CD68: variants seen among roughly 807,000 people sequenced by gnomAD.
The protein encoded by CD68 is macrosialin.
Under a neutral mutation model 31.3 loss-of-function variants are expected in CD68, and 24 were observed. The ratio of observed to expected loss-of-function variants is 0.77; its 90% CI spans 0.55 to 1.08. The LOEUF is 1.08. CD68 is among the 50% of genes least tolerant of loss of function. CD68 has a pLI of 0.00. For synonymous variants in CD68, 190 were observed against 179.6 expected (o/e 1.06, Z -0.46); for missense variants, 461 against 442.5 (o/e 1.04, Z -0.38).
intron 5 of CD68, 36 bp downstream of exon 5, chr17:7,581,102 C>G: frequency 2.5e-6 from 4 of 1,572,562 alleles, no homozygotes; most frequent in Non-Finnish European, 3.5e-6. Context: ...CTAGAATCCT[C>G]CCACTGCACT....
Position 7,581,398 on chromosome 17 carries a change from C to G in CD68, c.952C>G (p.Arg318Gly). ...GCCAGGTTTCTCCTGCCCCAGTGAC[C>G]GGTCCATCTTGCTGCCTCTCATCAT... ...FGQSFSCPSD[R>G]SILLPLIIGL... Residue 318 changes from arginine (R) to glycine (G), a missense_variant, in exon 6 of 6, where the codon CGG becomes GGG. Transcript: ENST00000250092. The G allele has an allele frequency of 5.6e-6, 9 of 1,614,138 alleles. No individual in the cohort carries two copies. The highest frequency in any genetic ancestry group is 1.1e-5 in the South Asian group (1 of 91,076).
chr17:7,580,750 G>T lies in CD68; in HGVS notation c.727G>T (p.Val243Leu), dbSNP rs753269641. The change falls in exon 4 of 6, where the codon GTG (valine) becomes TTG (leucine). Residue 243 changes from valine to leucine, a missense_variant. By Grantham distance (32) the Val-to-Leu change is conservative (BLOSUM62 1). Transcript: ENST00000250092. The surrounding 1 kb of genome is among the most constrained non-coding windows in gnomAD (Gnocchi z 4.3). ...QKVVYLSYMA[V>L]EYNVSFPHAA... ...GGTTGTCTACCTGAGCTACATGGCG[G>T]TGGAGTACAATGTGTCCTTCCCCCA... The T allele has an allele frequency of 6.2e-7, 1 of 1,614,070 alleles. No homozygotes were observed. The highest frequency in any genetic ancestry group is 1.1e-5 in the South Asian group (1 of 91,078).
Position 7,579,831 on chromosome 17 carries a change from G to A in CD68, c.71G>A (p.Cys24Tyr), listed in dbSNP as rs541790920. Reference sequence around the variant, plus strand: ...AAAGCCCAGGGGACAGGGAATGACTGTCCTCACAAAAAATCAGCTACTTTG... The same window carrying A: ...AAAGCCCAGGGGACAGGGAATGACTATCCTCACAAAAAATCAGCTACTTTG... ...LLAAQGTGND[C>Y]PHKKSATLLP... Residue 24 changes from cysteine (C) to tyrosine (Y), a missense_variant, in exon 2 of 6, where the codon TGT (cysteine) becomes TAT (tyrosine). By Grantham distance (194) the Cys-to-Tyr change is radical. Coordinates refer to ENST00000250092, the MANE Select transcript of CD68 (RefSeq NM_001251.3). The A allele has an allele frequency of 2.3e-5, 37 of 1,613,864 alleles. No homozygotes were observed. The South Asian group carries it at 3.4e-4, about 15-fold the overall frequency.
Position 7,580,736 on chromosome 17 carries a change from T to C in CD68, c.713T>C (p.Leu238Pro), listed in dbSNP as rs779694271. The C allele has an allele frequency of 6.2e-7, 1 of 1,614,128 alleles. No homozygotes were observed. Among genetic ancestry groups the C allele is most frequent in the Admixed American group, 1.7e-5 (1 of 60,024 alleles). ...MQDLQQKVVY[L>P]SYMAVEYNVS... is the part of the protein sequence containing the mutation. ...GACCTCCAGCAGAAGGTTGTCTACC[T>C]GAGCTACATGGCGGTGGAGTACAAT... The change falls in exon 4 of 6, where the codon CTG becomes CCG. Residue 238 changes from leucine (L) to proline (P), a missense_variant. Transcript: ENST00000250092. This position sits in a 1 kb window ranked among gnomAD's most constrained non-coding sequence, Gnocchi z 4.3.
In CD68 at chr17:7,580,286, A is replaced by G; in HGVS notation, c.526A>G (p.Ile176Val). The G allele has an allele frequency of 6.2e-7, 1 of 1,613,984 alleles. No homozygotes were observed. The highest frequency in any genetic ancestry group is 8.5e-7 in the Non-Finnish European group (1 of 1,179,984). Residue 176 changes from isoleucine to valine, a missense_variant, in exon 2 of 6, where the codon ATT (isoleucine) becomes GTT (valine). Transcript: ENST00000250092. This position sits in a 1 kb window ranked among gnomAD's most constrained non-coding sequence, Gnocchi z 4.3. ...GCCCTGTGTCCACCTCCAAGCCCAGATTCAGATTCGAGTCATGTACACAAC... is the reference window on the plus strand; with the variant it reads ...GCCCTGTGTCCACCTCCAAGCCCAGGTTCAGATTCGAGTCATGTACACAAC... ...SQPCVHLQAQ[I>V]QIRVMYTTQG...
chr17:7,579,780 G>C, intron 1 of CD68, 30 bp from the exon 2 acceptor site: 1 of 1,606,884 alleles, frequency 6.2e-7, no homozygotes, highest in Non-Finnish European at 8.5e-7. Flanking sequence ...GCCTGCCCTG[G>C]GTTGCTAACC....
chr17:7,581,144 C>A, intron 5 of CD68, 78 bp downstream of exon 5: 1 of 1,341,222 alleles, frequency 7.5e-7, no homozygotes, highest in Non-Finnish European at 1.1e-6. Context: ...ATAAGCCACT[C>A]ATCTCTCTTC....
Position 7,580,480 on chromosome 17 carries a change from T to A in CD68, c.582T>A (p.Ser194=). The change falls in exon 3 of 6, where the codon TCT becomes TCA. Residue 194 remains serine, a synonymous_variant. Coordinates refer to ENST00000250092, the MANE Select transcript of CD68 (RefSeq NM_001251.3). This position sits in a 1 kb window ranked among gnomAD's most constrained non-coding sequence, Gnocchi z 4.3. ...AACTTCCGCAGGCCTGGGGCATCTCTGTACTGAACCCCAACAAAACCAAGG... is the reference window on the plus strand; with the variant it reads ...AACTTCCGCAGGCCTGGGGCATCTCAGTACTGAACCCCAACAAAACCAAGG... ...TQGGGEAWGI[S]VLNPNKTKVQ... 1 of 1,614,092 alleles carries A rather than the reference T, an allele frequency of 6.2e-7. No individual in the cohort carries two copies. The highest frequency in any genetic ancestry group is 8.5e-7 in the Non-Finnish European group (1 of 1,180,004).
At position 7,582,081 on chromosome 17, in the gene CD68, G is replaced by T; in HGVS notation, c.*570G>T. ...TCTTTGACGGGGTTTTCCTTGTCCTGCCAGGATTAAAAGCCATGAGTTTCT... is the reference window on the plus strand; with the variant it reads ...TCTTTGACGGGGTTTTCCTTGTCCTTCCAGGATTAAAAGCCATGAGTTTCT... On this transcript the variant is annotated 3_prime_UTR_variant, in exon 6 of 6. Transcript: ENST00000250092. 1 of 417,772 alleles carries T rather than the reference G, an allele frequency of 2.4e-6. No homozygotes were observed. The highest frequency in any genetic ancestry group is 3.0e-6 in the Non-Finnish European group (1 of 328,824). The allele number at this position is 417,772 out of a possible 1,614,324, so 25.9% of individuals were successfully genotyped here.
chr17:7,580,242 C>A lies in CD68; in HGVS notation c.482C>A (p.Thr161Lys), dbSNP rs767064051. The A allele has an allele frequency of 2.5e-6, 4 of 1,613,542 alleles. No individual in the cohort carries two copies. The African/African-American group carries it at 5.4e-5, about 22-fold the overall frequency. ...PTSKETIGDYTWTNGSQPCVH... is the reference protein window; with the variant it reads ...PTSKETIGDYKWTNGSQPCVH... The stretch of plus-strand genomic sequence containing the variant: ...TCCAAGGAGACCATTGGAGACTACA[C>A]GTGGACCAATGGTTCCCAGCCCTGT... Residue 161 changes from threonine (T) to lysine (K), a missense_variant, in exon 2 of 6, where the codon ACG becomes AAG. Thr to Lys is a moderately conservative substitution (Grantham distance 78). Coordinates refer to ENST00000250092, the MANE Select transcript of CD68 (RefSeq NM_001251.3). The surrounding 1 kb of genome is among the most constrained non-coding windows in gnomAD (Gnocchi z 4.3).
Position 7,580,848 on chromosome 17 carries a change from C to G in CD68, c.761-48C>G. On this transcript the variant is annotated intron_variant, in intron 4 of 5. Coordinates refer to ENST00000250092, the MANE Select transcript of CD68 (RefSeq NM_001251.3). The surrounding 1 kb of genome is among the most constrained non-coding windows in gnomAD (Gnocchi z 4.3). ...CGCCAGGGTTCCTGAAAGGACTAAGCTGGGGCCAGGGAGGTGGATAGGATC... is the reference window on the plus strand; with the variant it reads ...CGCCAGGGTTCCTGAAAGGACTAAGGTGGGGCCAGGGAGGTGGATAGGATC... The G allele has an allele frequency of 6.2e-7, 1 of 1,613,692 alleles. No individual in the cohort carries two copies. The highest frequency in any genetic ancestry group is 8.5e-7 in the Non-Finnish European group (1 of 1,179,670).
Position 7,581,709 on chromosome 17 carries a change from G to C in CD68, c.*198G>C. ...GGCTGAGGCAGGTGGATCACTGGAG[G>C]TCAGGAGTTTGAGACCAGCCTGGCC... On this transcript the variant is annotated 3_prime_UTR_variant, in exon 6 of 6. Transcript: ENST00000250092. 1.8e-6 allele frequency: 1 copy of C among 569,896 alleles called. No individual in the cohort carries two copies. The highest frequency in any genetic ancestry group is 3.2e-5 in the East Asian group (1 of 31,246). The allele number at this position is 569,896 out of a possible 1,614,324, so 35.3% of individuals were successfully genotyped here.
At position 7,580,669 on chromosome 17, in the gene CD68, G is replaced by C; in HGVS notation, c.688-42G>C. 1 of 1,613,734 alleles carries C rather than the reference G, an allele frequency of 6.2e-7. No individual in the cohort carries two copies. The highest frequency in any genetic ancestry group is 8.5e-7 in the Non-Finnish European group (1 of 1,179,786). On this transcript the variant is annotated intron_variant, in intron 3 of 5. Coordinates refer to ENST00000250092, the MANE Select transcript of CD68 (RefSeq NM_001251.3). This position sits in a 1 kb window ranked among gnomAD's most constrained non-coding sequence, Gnocchi z 4.3. ...AATCCCACACGCTACTCCTTCCTCT[G>C]TGGAGAGGGATACCACCTGCGCCTT...
In CD68 at chr17:7,580,487, A is replaced by C. The variant is rs547208459; in HGVS notation, c.589A>C (p.Asn197His). 1 of 1,613,978 alleles carries C rather than the reference A, an allele frequency of 6.2e-7. No individual in the cohort carries two copies. Among genetic ancestry groups the C allele is most frequent in the Admixed American group, 1.7e-5 (1 of 60,006 alleles). ...GCAGGCCTGGGGCATCTCTGTACTG[A>C]ACCCCAACAAAACCAAGGTCCAGGG... ...GGEAWGISVL[N>H]PNKTKVQGSC... Residue 197 changes from asparagine (N) to histidine (H), a missense_variant, in exon 3 of 6, where the codon AAC becomes CAC. Physicochemically the swap from Asn to His is moderately conservative, Grantham distance 68. Transcript: ENST00000250092. The surrounding 1 kb of genome is among the most constrained non-coding windows in gnomAD (Gnocchi z 4.3).
rs1311884821 is a variant in CD68, at chr17:7,581,692, C to G, written c.*181C>G. The G allele has an allele frequency of 1.6e-6, 1 of 622,320 alleles. No individual in the cohort carries two copies. The highest frequency in any genetic ancestry group is 2.7e-6 in the Non-Finnish European group (1 of 365,378). The allele number at this position is 622,320 out of a possible 1,614,324, so 38.5% of individuals were successfully genotyped here. ...ATCCCAGCACTTTGGGAGGCTGAGG[C>G]AGGTGGATCACTGGAGGTCAGGAGT... On this transcript the variant is annotated 3_prime_UTR_variant, in exon 6 of 6. Transcript: ENST00000250092.
At position 7,579,802 on chromosome 17, in the gene CD68, G is replaced by C. The variant is rs1431769331; in HGVS notation, c.50-8G>C. The C allele has an allele frequency of 6.2e-7, 1 of 1,610,628 alleles. No individual in the cohort carries two copies. The highest frequency in any genetic ancestry group is 2.2e-5 in the East Asian group (1 of 44,848). ...CTGGGTTGCTAACCATCTCCTCTCT[G>C]CCAAAAGCCCAGGGGACAGGGAATG... On this transcript the variant is annotated splice_polypyrimidine_tract_variant and splice_region_variant and intron_variant, in intron 1 of 5. Coordinates refer to ENST00000250092, the MANE Select transcript of CD68 (RefSeq NM_001251.3).
In CD68 at chr17:7,579,735, G is replaced by A. The variant is rs376903313; in HGVS notation, c.49+9G>A. 110 of 1,604,064 alleles carry A rather than the reference G, an allele frequency of 6.9e-5. No homozygotes were observed. Among genetic ancestry groups the A allele is most frequent in the Non-Finnish European group, 9.2e-5 (108 of 1,175,430 alleles). On this transcript the variant is annotated intron_variant, in intron 1 of 5. Transcript: ENST00000250092. ...GCTGGGGCTACTGGCAGGTAAGGAG[G>A]AAGGAGGCTGAGGGGAGGGGGCCCC...
In CD68 at chr17:7,579,983, AC is replaced by A; in HGVS notation, c.224del (p.Thr75ArgfsTer122). The A allele has an allele frequency of 6.2e-7, 1 of 1,609,034 alleles. No individual in the cohort carries two copies. The highest frequency in any genetic ancestry group is 8.5e-7 in the Non-Finnish European group (1 of 1,175,896). On this transcript the variant is annotated frameshift_variant, in exon 2 of 6. Coordinates refer to ENST00000250092, the MANE Select transcript of CD68 (RefSeq NM_001251.3). LOFTEE classifies it high-confidence loss of function. ...TTTGTTSHGP[T>X]TATHNPTTTS... ...CACAGGCACCACCAGCCACGGACCC[AC>A]GACTGCCACTCACAACCCCACCACC...
chr17:7,581,083 C>T lies in CD68; in HGVS notation c.931+17C>T. 1 of 1,606,264 alleles carries T rather than the reference C, an allele frequency of 6.2e-7. No homozygotes were observed. Among genetic ancestry groups the T allele is most frequent in the Non-Finnish European group, 8.5e-7 (1 of 1,174,582 alleles). ...TTGGGCAAAGTAAGACCTACCTACT[C>T]CTTCCCTCCTAGAATCCTCCCACTG... is the stretch of plus-strand genomic sequence containing the variant. On this transcript the variant is annotated intron_variant, in intron 5 of 5. Transcript: ENST00000250092.
Sources: gnomAD v4.1 joint callset for allele counts on GRCh38, gnomAD v4.1.1 for gene constraint, Gnocchi (gnomAD v3.1) non-coding constraint, MANE v1.5 for transcripts, NCBI Gene and HGNC (gene_info 2026-07-23, HGNC 2026-07-21) for gene names.